Variants in STK3 observed in about 807,000 individuals in gnomAD.
STK3 encodes serine/threonine-protein kinase 3.
A neutral mutation model predicts 58.0 loss-of-function variants in STK3; 41 were observed. That is an observed-to-expected ratio of 0.71 (90% CI 0.55 to 0.92). The LOEUF is 0.92. Ranked by LOEUF, STK3 falls within the 40% of genes least tolerant of loss-of-function variation. The probability of loss-of-function intolerance (pLI) is 0.00; values close to 1 mark genes in which losing one functional copy is unlikely to be tolerated. For missense variants in STK3, 479 were observed against 602.7 expected (o/e 0.79, Z 2.15); for synonymous variants, 170 against 191.0 (o/e 0.89, Z 0.91).
chr8:98,443,407 GTTCATGAGTTTGC>G (rs1393630338), intron 1 of STK3, among the ~76,000 whole-genome samples: 2 of 152,176 alleles, frequency 1.3e-5, no homozygotes, highest in Non-Finnish European at 2.9e-5. Context: ...CTGTATCTAT[GTTCATGAGTTTGC>G]TTGTCTTCCC....
intron 8 of STK3, among the ~76,000 whole-genome samples, chr8:98,563,515 G>C (rs1380500741): frequency 1.3e-5 from 2 of 152,020 alleles, no homozygotes; most frequent in Admixed American, 6.6e-5. Flanking sequence ...GGGCACAGAA[G>C]CAACAACATC....
chr8:98,872,185 G>A (rs1390330486), intron 3 of STK3, among the ~76,000 whole-genome samples: 1 of 152,158 alleles, frequency 6.6e-6, no homozygotes, highest in Non-Finnish European at 1.5e-5. Flanking sequence ...GCATCCCAGG[G>A]GTGAAGCCAA....
At chr8:98,731,722 C>CAA (rs35275281) in intron 4 of STK3, among the ~76,000 whole-genome samples, 8 of 102,540 alleles carry the variant, frequency 7.8e-5, no homozygotes, top group Non-Finnish European at 1.0e-4. Flanking sequence ...GACTCCGTCT[C>CAA]AAAAAAAAAA....
intron 9 of STK3, among the ~76,000 whole-genome samples, chr8:98,528,539 T>A (rs892936350): frequency 7.2e-5 from 11 of 152,134 alleles, no homozygotes; most frequent in African/African-American, 2.6e-4. Context: ...CAGGCTGGAG[T>A]GCAATGGCAC....
At chr8:98,614,742 T>C (rs1418783081) in intron 6 of STK3, among the ~76,000 whole-genome samples, 2 of 152,262 alleles carry the variant, frequency 1.3e-5, no homozygotes, top group South Asian at 2.1e-4. Flanking sequence ...AATACTGCGC[T>C]TTTCAGACCG....
intron 6 of STK3, among the ~76,000 whole-genome samples, chr8:98,641,589 C>T (rs997797950): frequency 6.6e-6 from 1 of 152,178 alleles, no homozygotes; most frequent in African/African-American, 2.4e-5. Flanking sequence ...AATTTACCAA[C>T]CCTGTGCTGT....
chr8:98,935,362 A>G (rs1294230225), intron 1 of STK3, among the ~76,000 whole-genome samples: 2 of 152,198 alleles, frequency 1.3e-5, no homozygotes, highest in African/African-American at 4.8e-5. Flanking sequence ...GGAGAAGTCA[A>G]CTTCTCTGTT....
intron 3 of STK3, among the ~76,000 whole-genome samples, chr8:98,874,560 G>A (rs114076085): frequency 0.014 from 2,116 of 151,918 alleles, 48 homozygotes; most frequent in African/African-American, 0.047. Context: ...TATAACCCAT[G>A]TTTTATATAT....
intron 10 of STK3, among the ~76,000 whole-genome samples, chr8:98,495,319 C>T (rs1287192614): frequency 6.6e-6 from 1 of 152,090 alleles, no homozygotes; most frequent in Non-Finnish European, 1.5e-5. Context: ...TGGTTTTCCA[C>T]TCAGATGAGC....
intron 3 of STK3, among the ~76,000 whole-genome samples, chr8:98,433,405 T>C (rs1818373179): frequency 6.6e-6 from 1 of 152,020 alleles, no homozygotes; most frequent in South Asian, 2.1e-4. Flanking sequence ...GGGGGATACA[T>C]AGAGACACTT....
chr8:98,576,770 C>T (rs1813425347), intron 8 of STK3, among the ~76,000 whole-genome samples: 2 of 152,156 alleles, frequency 1.3e-5, no homozygotes, highest in African/African-American at 4.8e-5. Context: ...TTTACTAGCT[C>T]TAGCAGATTT....
upstream of STK3, among the ~76,000 whole-genome samples, chr8:98,392,521 A>C (rs1166711381): frequency 6.6e-6 from 1 of 152,142 alleles, no homozygotes; most frequent in African/African-American, 2.4e-5. Context: ...AGATGAAAAG[A>C]AGTTTTGAGA....
intron 1 of STK3, among the ~76,000 whole-genome samples, chr8:98,938,727 G>A (rs752025237): frequency 2.0e-5 from 3 of 152,266 alleles, no homozygotes; most frequent in Middle Eastern, 3.4e-3. Context: ...CACCCCCAGT[G>A]TCATGCACTC....
intron 3 of STK3, among the ~76,000 whole-genome samples, chr8:98,856,506 T>C (rs1486866249): frequency 1.3e-5 from 2 of 152,176 alleles, no homozygotes; most frequent in Admixed American, 6.5e-5. Context: ...CACAGTGAGA[T>C]ACCATTTCAC....
intron 6 of STK3, among the ~76,000 whole-genome samples, chr8:98,664,557 A>G (rs760345987): frequency 1.4e-4 from 21 of 152,206 alleles, no homozygotes; most frequent in Non-Finnish European, 2.6e-4. Context: ...TTCCTTCAGA[A>G]CCAGGTCTTG....
intron 3 of STK3, among the ~76,000 whole-genome samples, chr8:98,404,601 A>G (rs1006123830): frequency 5.5e-5 from 8 of 145,712 alleles, no homozygotes; most frequent in African/African-American, 1.3e-4. Flanking sequence ...AATGGCGTGA[A>G]CCCGGGAGGC....
At chr8:98,595,866 A>C in intron 7 of STK3, 166 bp downstream of exon 7, 1 of 636,610 alleles carries the variant, frequency 1.6e-6, no homozygotes. Context: ...CTCTGGGGGA[A>C]ATGAGGGGAC....
At chr8:98,759,057 C>T (rs760250985) in intron 3 of STK3, among the ~76,000 whole-genome samples, 1 of 152,242 alleles carries the variant, frequency 6.6e-6, no homozygotes, top group Non-Finnish European at 1.5e-5. Context: ...GGCTCTTCCA[C>T]TTTCTTACCA....
the STK3 span, among the ~76,000 whole-genome samples, chr8:98,346,749 A>C: frequency 2.0e-5 from 3 of 151,992 alleles, no homozygotes; most frequent in African/African-American, 7.3e-5. Context: ...TTCTTCAGAC[A>C]CAAAAATCTG....
Sources: allele counts gnomAD v4.1 joint callset (sites outside exome capture counted in the v4.1 genomes callset), GRCh38; gene constraint gnomAD v4.1.1; transcripts MANE v1.5; gene names NCBI Gene and HGNC (gene_info 2026-07-23, HGNC 2026-07-21).